SYN2: variants seen among roughly 807,000 people sequenced by gnomAD.
The protein encoded by SYN2 is synapsin-2.
In SYN2, 19 loss-of-function variants were observed where a neutral mutation model predicts 50.9. The observed-to-expected ratio is 0.37, with a 90% confidence interval of 0.26 to 0.55. SYN2 has a LOEUF of 0.55. Ranked by LOEUF, SYN2 falls within the 20% of genes least tolerant of loss-of-function variation. The pLI is 0.81. For synonymous variants in SYN2, 255 were observed against 224.9 expected (o/e 1.13, Z -1.20); for missense variants, 587 against 576.4 (o/e 1.02, Z -0.19).
chr3:12,150,796 G>A (rs1202676132), intron 4 of SYN2, among the ~76,000 whole-genome samples: 1 of 152,094 alleles, frequency 6.6e-6, no homozygotes, highest in African/African-American at 2.4e-5. Flanking sequence ...TTTGCCTGAC[G>A]TTTGAACTTC....
At chr3:12,011,253 A>G (rs542847938) in intron 1 of SYN2, among the ~76,000 whole-genome samples, 3 of 152,366 alleles carry the variant, frequency 2.0e-5, no homozygotes, top group East Asian at 3.9e-4. Flanking sequence ...TGCCTTTTTT[A>G]TAAGAAAAAA....
intron 5 of SYN2, among the ~76,000 whole-genome samples, chr3:12,157,867 C>G (rs968058748): frequency 6.6e-6 from 1 of 152,202 alleles, no homozygotes; most frequent in African/African-American, 2.4e-5. Context: ...CAAGGCCTCT[C>G]ATCCCGCCTA....
intron 1 of SYN2, among the ~76,000 whole-genome samples, chr3:12,125,706 T>C (rs1696653905): frequency 6.6e-6 from 1 of 152,086 alleles, no homozygotes; most frequent in South Asian, 2.1e-4. Context: ...CAAGGGGCCC[T>C]GTTCACTGTC....
intron 1 of SYN2, among the ~76,000 whole-genome samples, chr3:12,135,955 A>G (rs917550870): frequency 6.6e-6 from 1 of 152,212 alleles, no homozygotes; most frequent in African/African-American, 2.4e-5. Flanking sequence ...AAAATCAAAA[A>G]TTTTCTGAAA....
rs145049812 is a variant in SYN2 at position 12,090,813 on chromosome 3, A to G, written c.378-49838A>G. Among the ~76,000 whole-genome samples, 453 of 152,254 alleles carry G rather than the reference A, an allele frequency of 3.0e-3. 2 individuals carry two copies. The highest frequency in any genetic ancestry group is 9.8e-3 in the African/African-American group (408 of 41,552). On this transcript the variant is annotated intron_variant, in intron 1 of 12. Coordinates refer to ENST00000621198, the MANE Select transcript of SYN2 (RefSeq NM_133625.6). Reference sequence around the variant, plus strand: ...AGTGATTTTCTAACTTTTCCTCCACAGTTACCCCAAATGATAGAGAAAAGT... The same window carrying G: ...AGTGATTTTCTAACTTTTCCTCCACGGTTACCCCAAATGATAGAGAAAAGT...
chr3:12,147,205 A>ATGTG (rs954228600), intron 4 of SYN2, among the ~76,000 whole-genome samples: 1 of 136,604 alleles, frequency 7.3e-6, no homozygotes, highest in Non-Finnish European at 1.7e-5. Context: ...GTGTGTGTGT[A>ATGTG]TGTGTGTGTG....
intron 1 of SYN2, among the ~76,000 whole-genome samples, chr3:12,138,955 C>G (rs187982798): frequency 3.9e-5 from 6 of 152,218 alleles, no homozygotes; most frequent in Admixed American, 3.9e-4. Context: ...TTAGTTAAAC[C>G]TGTAAATAAA....
chr3:12,064,649 C>T (rs1445506101), intron 1 of SYN2, among the ~76,000 whole-genome samples: 2 of 152,004 alleles, frequency 1.3e-5, no homozygotes, highest in African/African-American at 2.4e-5. Context: ...TTAGTTCTAA[C>T]GGAAGTGTGT....
chr3:12,145,529 T>A, intron 3 of SYN2, 150 bp from the exon 4 acceptor site: 1 of 909,316 alleles, frequency 1.1e-6, no homozygotes, highest in Non-Finnish European at 1.6e-6. Context: ...GAGTAAGACC[T>A]GTCTCTAAAA....
Position 12,007,870 on chromosome 3 carries a change from CT to C in SYN2, c.377+2946del, listed in dbSNP as rs150483982. On this transcript the variant is annotated intron_variant, in intron 1 of 12. Transcript: ENST00000621198. ...GATGGGAAAATTGGAAGATGTTTTT[CT>C]TTTGCTGGAAATGTTTTCATTGGTT... Among the ~76,000 whole-genome samples, 801 of 152,252 alleles carry C rather than the reference CT, an allele frequency of 5.3e-3. 11 individuals carry two copies. The highest frequency in any genetic ancestry group is 0.018 in the African/African-American group (760 of 41,556).
chr3:12,034,396 G>C (rs73135651), intron 1 of SYN2, among the ~76,000 whole-genome samples: 30 of 152,248 alleles, frequency 2.0e-4, no homozygotes, highest in African/African-American at 6.7e-4. Context: ...ATTTAATTGA[G>C]TCTTTCTGTT....
chr3:12,122,619 A>C (rs1355200917), intron 1 of SYN2, among the ~76,000 whole-genome samples: 1 of 152,178 alleles, frequency 6.6e-6, no homozygotes, highest in African/African-American at 2.4e-5. Flanking sequence ...ATCTCAGCCT[A>C]TGTGCTGGAC....
intron 4 of SYN2, among the ~76,000 whole-genome samples, chr3:12,149,601 A>G (rs1387682764): frequency 1.3e-5 from 2 of 151,998 alleles, no homozygotes; most frequent in East Asian, 1.9e-4. Context: ...CTCAATCTCA[A>G]TTTGTCAAAT....
chr3:12,090,512 T>G (rs954505579), intron 1 of SYN2, among the ~76,000 whole-genome samples: 2 of 146,876 alleles, frequency 1.4e-5, no homozygotes, highest in Admixed American at 6.6e-5. Flanking sequence ...AGTAAGACCT[T>G]GAGCTAATGA....
At chr3:12,113,437 C>G (rs1696367497) in intron 1 of SYN2, among the ~76,000 whole-genome samples, 1 of 152,056 alleles carries the variant, frequency 6.6e-6, no homozygotes, top group Admixed American at 6.6e-5. Flanking sequence ...TTACCCCTCC[C>G]CATTTAAAAA....
chr3:12,094,221 G>A (rs1049506897), intron 1 of SYN2, among the ~76,000 whole-genome samples: 2 of 152,076 alleles, frequency 1.3e-5, no homozygotes, highest in African/African-American at 4.8e-5. Context: ...TGTTCATTTT[G>A]TCTCCTTAAA....
At chr3:12,120,612 G>A (rs1029610242) in intron 1 of SYN2, among the ~76,000 whole-genome samples, 5 of 152,140 alleles carry the variant, frequency 3.3e-5, no homozygotes, top group African/African-American at 1.2e-4. Flanking sequence ...TGTGGTTTTG[G>A]GGCCTTCCAA....
At chr3:12,171,456 C>T (rs1408905558) in intron 10 of SYN2, among the ~76,000 whole-genome samples, 3 of 151,972 alleles carry the variant, frequency 2.0e-5, no homozygotes, top group African/African-American at 7.3e-5. Flanking sequence ...CCCTTTAATA[C>T]TGAGAAAAAC....
At chr3:12,093,099 T>C (rs1453034329) in intron 1 of SYN2, among the ~76,000 whole-genome samples, 1 of 152,214 alleles carries the variant, frequency 6.6e-6, no homozygotes, top group Non-Finnish European at 1.5e-5. Flanking sequence ...GAAAGTAATC[T>C]TTAAGTTTCT....
Sources: allele counts gnomAD v4.1 joint callset (sites outside exome capture counted in the v4.1 genomes callset), GRCh38; gene constraint gnomAD v4.1.1; transcripts MANE v1.5; gene names NCBI Gene and HGNC (gene_info 2026-07-23, HGNC 2026-07-21).